The following GALNT13 variants were observed in gnomAD, a reference collection of about 807,000 sequenced individuals.
GALNT13 encodes the protein UDP-GalNAc:polypeptide N-acetylgalactosaminyltransferase 13.
In GALNT13, 28 loss-of-function variants were observed where a neutral mutation model predicts 64.2. That is an observed-to-expected ratio of 0.44 (90% CI 0.32 to 0.60). The LOEUF is 0.60. Ranked by LOEUF, GALNT13 falls within the 20% of genes least tolerant of loss-of-function variation. The probability of loss-of-function intolerance (pLI) is 0.05; values close to 1 mark genes in which losing one functional copy is unlikely to be tolerated. For missense variants in GALNT13, 577 were observed against 669.8 expected, an observed-to-expected ratio of 0.86 and a Z score of 1.53; for synonymous variants, 214 against 224.6, an observed-to-expected ratio of 0.95 and a Z score of 0.42.
the GALNT13 span, among the ~76,000 whole-genome samples, chr2:153,820,559 T>C: frequency 6.6e-6 from 1 of 152,152 alleles, no homozygotes; most frequent in South Asian, 2.1e-4. Flanking sequence ...ACAGAAGAGA[T>C]TAAGGCCCTA....
At chr2:153,780,600 C>T in the GALNT13 span, among the ~76,000 whole-genome samples, 1 of 152,070 alleles carries the variant, frequency 6.6e-6, no homozygotes, top group East Asian at 1.9e-4. Context: ...GATGTTTACA[C>T]AGTCATGCTC....
the GALNT13 span, among the ~76,000 whole-genome samples, chr2:153,523,741 A>G: frequency 1.3e-5 from 2 of 152,170 alleles, no homozygotes; most frequent in Non-Finnish European, 2.9e-5. Flanking sequence ...ATGGATAATT[A>G]TATCATCTGT....
At chr2:153,705,924 C>T in the GALNT13 span, among the ~76,000 whole-genome samples, 3 of 152,138 alleles carry the variant, frequency 2.0e-5, no homozygotes, top group Non-Finnish European at 4.4e-5. Flanking sequence ...TTTAAAATAG[C>T]ATTTGTCAGA....
the GALNT13 span, among the ~76,000 whole-genome samples, chr2:153,264,636 A>G: frequency 6.6e-6 from 1 of 152,244 alleles, no homozygotes; most frequent in Non-Finnish European, 1.5e-5. Context: ...GGTTTTTTGA[A>G]GGAACATGAA....
the GALNT13 span, among the ~76,000 whole-genome samples, chr2:153,846,672 C>T: frequency 6.6e-6 from 1 of 152,036 alleles, no homozygotes; most frequent in East Asian, 1.9e-4. Context: ...CAGTTTAACT[C>T]ATGAGTGAAC....
rs796896574 is a variant in GALNT13, at chr2:153,930,677, A to C, written c.-104-13717A>C. ...GTTCTTTCTTCTGTTCCACTGGTCT[A>C]TGTCTGTTTTTGTACCAGTAAGTAC... On this transcript the variant is annotated intron_variant, in intron 2 of 12. Coordinates refer to ENST00000392825, the MANE Select transcript of GALNT13 (RefSeq NM_052917.4). Among the ~76,000 whole-genome samples the C allele has an allele frequency of 9.2e-5, 14 of 151,940 alleles. 1 individual carries two copies. The highest frequency in any genetic ancestry group is 3.4e-4 in the African/African-American group (14 of 41,462).
At chr2:154,146,840 T>A (rs1683633203) in intron 4 of GALNT13, among the ~76,000 whole-genome samples, 1 of 152,154 alleles carries the variant, frequency 6.6e-6, no homozygotes, top group Non-Finnish European at 1.5e-5. Flanking sequence ...TTTTCCTTTG[T>A]CTTGCCACTT....
At chr2:153,721,515 C>G in the GALNT13 span, among the ~76,000 whole-genome samples, 1 of 150,492 alleles carries the variant, frequency 6.6e-6, no homozygotes, top group Non-Finnish European at 1.5e-5. Context: ...CACAGACTGG[C>G]AAGTTAGATA....
At chr2:154,093,659 C>G (rs1701931692) in intron 3 of GALNT13, among the ~76,000 whole-genome samples, 1 of 140,018 alleles carries the variant, frequency 7.1e-6, no homozygotes. Context: ...CATTTTGCCA[C>G]ACATTATTTC....
chr2:154,193,578 G>C (rs184443307), intron 4 of GALNT13, among the ~76,000 whole-genome samples: 1 of 152,206 alleles, frequency 6.6e-6, no homozygotes, highest in Admixed American at 6.5e-5. Context: ...ATCAGTGACA[G>C]CCTTGTCCTG....
At chr2:154,350,574 C>G (rs1286249399) in intron 9 of GALNT13, among the ~76,000 whole-genome samples, 1 of 152,214 alleles carries the variant, frequency 6.6e-6, no homozygotes, top group African/African-American at 2.4e-5. Context: ...AGCTTGCAGA[C>G]AGCCTATTGT....
chr2:153,469,287 G>A, the GALNT13 span, among the ~76,000 whole-genome samples: 1 of 152,126 alleles, frequency 6.6e-6, no homozygotes, highest in African/African-American at 2.4e-5. Flanking sequence ...GAGGAGATGA[G>A]TTTGCCTGTG....
chr2:154,283,407 A>G (rs1366899434), intron 8 of GALNT13, among the ~76,000 whole-genome samples: 7 of 152,116 alleles, frequency 4.6e-5, no homozygotes, highest in Non-Finnish European at 7.4e-5. Flanking sequence ...CAATATTAAT[A>G]GATCAATGAT....
intron 3 of GALNT13, among the ~76,000 whole-genome samples, chr2:153,977,413 A>G (rs991964936): frequency 3.3e-5 from 5 of 152,172 alleles, no homozygotes. Context: ...GGAAGCAAAC[A>G]CATCCTTCTT....
chr2:154,259,937 G>A (rs867603727), intron 8 of GALNT13, among the ~76,000 whole-genome samples: 3 of 152,122 alleles, frequency 2.0e-5, no homozygotes, highest in Admixed American at 6.6e-5. Flanking sequence ...GAGTGGTACA[G>A]TGGTGCAATT....
chr2:154,342,326 G>A (rs1363146722), intron 9 of GALNT13, among the ~76,000 whole-genome samples: 2 of 152,140 alleles, frequency 1.3e-5, no homozygotes, highest in East Asian at 3.9e-4. Context: ...CTCTCAAAAT[G>A]TGATTGAGTT....
At chr2:154,089,868 A>C (rs1015092151) in intron 3 of GALNT13, among the ~76,000 whole-genome samples, 2 of 150,610 alleles carry the variant, frequency 1.3e-5, no homozygotes, top group African/African-American at 4.9e-5. Flanking sequence ...GCTGTGGAGA[A>C]GGTCCACAGA....
chr2:154,371,655 A>C (rs906525679), intron 9 of GALNT13, among the ~76,000 whole-genome samples: 2 of 152,050 alleles, frequency 1.3e-5, no homozygotes, highest in African/African-American at 4.8e-5. Flanking sequence ...TCTGATGGTA[A>C]CAAGGGTAGG....
chr2:154,362,999 T>C (rs895609125), intron 9 of GALNT13, among the ~76,000 whole-genome samples: 1 of 127,478 alleles, frequency 7.8e-6, no homozygotes, highest in African/African-American at 2.7e-5. Context: ...TAAAGTTGCA[T>C]TGTACACTGT....
Sources: allele counts gnomAD v4.1 joint callset (sites outside exome capture counted in the v4.1 genomes callset), GRCh38; gene constraint gnomAD v4.1.1; transcripts MANE v1.5; gene names NCBI Gene and HGNC (gene_info 2026-07-23, HGNC 2026-07-21).